The following SARM1 variants were observed in gnomAD, a reference collection of about 807,000 sequenced individuals.
The protein encoded by SARM1 is sterile alpha and TIR motif containing 1.
SARM1 carries 60 observed loss-of-function variants against 65.1 expected under a neutral mutation model. The observed-to-expected ratio is 0.92, with a 90% confidence interval of 0.75 to 1.14. SARM1 has a LOEUF of 1.14. Among genes scored for constraint, SARM1 ranks in the 50% most tolerant of loss-of-function variants. The pLI, the probability that SARM1 is intolerant of heterozygous loss-of-function variation, is 0.00. For synonymous variants in SARM1, 417 were observed against 465.4 expected (o/e 0.90, Z 1.34); for missense variants, 913 against 1,015.7 (o/e 0.90, Z 1.37).
Position 28,401,322 on chromosome 17 carries a change from G to A in SARM1, c.*5036G>A, listed in dbSNP as rs1462302718. On this transcript the variant is annotated 3_prime_UTR_variant, in exon 9 of 9. Transcript: ENST00000585482. ...CCCCTGGAAGTAGCTAGTTAGTAAG[G>A]GCTGTTCTTTTCTCCTGTTTCTCTT... 1 of 160,812 alleles carries A rather than the reference G, an allele frequency of 6.2e-6. No homozygotes were observed. Among genetic ancestry groups the A allele is most frequent in the Non-Finnish European group, 1.4e-5 (1 of 72,794 alleles). The allele number at this position is 160,812 out of a possible 1,614,324, so 10.0% of individuals were successfully genotyped here. A position where few individuals can be genotyped will look rare whatever the true frequency, so the allele number is the denominator to read the frequency against.
rs2068151576 is a variant in SARM1, at chr17:28,397,977, T to TGTCTTG, written c.*1692_*1693insTCTTGG. On this transcript the variant is annotated 3_prime_UTR_variant, in exon 9 of 9. Coordinates refer to ENST00000585482, the MANE Select transcript of SARM1 (RefSeq NM_015077.4). The stretch of plus-strand genomic sequence containing the variant: ...GGCTCCTTCCTTCCACTCCCCTCCC[T>TGTCTTG]GCCAGAGTCTGTCTTGGCCAGTGCC... 2 of 152,648 alleles carry TGTCTTG rather than the reference T, an allele frequency of 1.3e-5. No homozygotes were observed. The highest frequency in any genetic ancestry group is 1.3e-4 in the Admixed American group (2 of 15,282). 9.5% of individuals were successfully genotyped at this position (152,648 alleles called of 1,614,324 possible). A position where few individuals can be genotyped will look rare whatever the true frequency, so the allele number is the denominator to read the frequency against.
At chr17:28,392,113 AT>A (rs552126464) in intron 7 of SARM1, among the ~76,000 whole-genome samples, 273 of 143,414 alleles carry the variant, frequency 1.9e-3, no homozygotes, top group Non-Finnish European at 1.6e-3. Context: ...TTATTTAATT[AT>A]TTTTTTTTTT....
rs782499897 is a variant in SARM1, at chr17:28,384,980, C to T, written c.1394+50C>T. On this transcript the variant is annotated intron_variant, in intron 4 of 8. Coordinates refer to ENST00000585482, the MANE Select transcript of SARM1 (RefSeq NM_015077.4). This position sits in a 1 kb window ranked among gnomAD's most constrained non-coding sequence, Gnocchi z 4.4. ...CCCCAGCTAGGTCTAAATAAGCTCC[C>T]CCTCCGCCCACAGCCCGTCCGAGTC... The T allele has an allele frequency of 3.4e-5, 54 of 1,598,294 alleles. No individual in the cohort carries two copies. In the South Asian group the frequency reaches 5.6e-4, roughly 17 times the overall value.
In SARM1 at chr17:28,396,344, G is replaced by C; in HGVS notation, c.*58G>C. On this transcript the variant is annotated 3_prime_UTR_variant, in exon 9 of 9. Transcript: ENST00000585482. ...TCCATTTCCATCGTCCTTTCTGAAG[G>C]AACAGCTCCTGAAACCAGTCTCCCT... is the stretch of plus-strand genomic sequence containing the variant. 6.2e-7 allele frequency: 1 copy of C among 1,602,340 alleles called. No individual in the cohort carries two copies. The highest frequency in any genetic ancestry group is 8.5e-7 in the Non-Finnish European group (1 of 1,172,176).
chr17:28,381,562 T>C lies in SARM1; in HGVS notation c.830T>C (p.Leu277Ser). ...RLHACLAVAV[L>S]ATNKEVEREV... Reference sequence around the variant, plus strand: ...CACGCCTGCCTCGCAGTAGCGGTGTTGGCGACTAACAAGGAGGTGGAGCGC... The same window carrying C: ...CACGCCTGCCTCGCAGTAGCGGTGTCGGCGACTAACAAGGAGGTGGAGCGC... The change falls in exon 2 of 9, where the codon TTG becomes TCG. Residue 277 changes from leucine to serine, a missense_variant. Physicochemically the swap from Leu to Ser is moderately radical, Grantham distance 145 (BLOSUM62 -2). Coordinates refer to ENST00000585482, the MANE Select transcript of SARM1 (RefSeq NM_015077.4). 6.3e-7 allele frequency: 1 copy of C among 1,592,246 alleles called. No individual in the cohort carries two copies.
intron 1 of SARM1, among the ~76,000 whole-genome samples, chr17:28,379,299 CTTTTTTTTTTTTTTTT>C (rs1193480505): frequency 8.9e-5 from 7 of 78,360 alleles, no homozygotes; most frequent in Non-Finnish European, 1.2e-4. Flanking sequence ...CCATTTAGAT[CTTTTTTTTTTTTTTTT>C]TTTTTTTTTT....
chr17:28,381,369 T>C lies in SARM1; in HGVS notation c.637T>C (p.Tyr213His). ...GGCCGGCGGCCTGGACGCGGTGCTGTATTGGTGCCGCCGCACGGACCCCGC... is the reference window on the plus strand; with the variant it reads ...GGCCGGCGGCCTGGACGCGGTGCTGCATTGGTGCCGCCGCACGGACCCCGC... ...VAAGGLDAVL[Y>H]WCRRTDPALL... Residue 213 changes from tyrosine (Y) to histidine (H), a missense_variant, in exon 2 of 9, where the codon TAT becomes CAT. Around this residue, in one of 3 missense-constraint regions of SARM1, gnomAD observed 862 missense variants for 952.1 expected, o/e 0.91. Transcript: ENST00000585482. 1 of 1,571,054 alleles carries C rather than the reference T, an allele frequency of 6.4e-7. No individual in the cohort carries two copies. The highest frequency in any genetic ancestry group is 8.6e-7 in the Non-Finnish European group (1 of 1,159,044).
chr17:28,399,389 G>A lies in SARM1; in HGVS notation c.*3103G>A, dbSNP rs2068168005. The A allele has an allele frequency of 4.1e-6, 2 of 493,616 alleles. No homozygotes were observed. The highest frequency in any genetic ancestry group is 7.3e-6 in the Non-Finnish European group (2 of 272,682). The allele number at this position is 493,616 out of a possible 1,614,324, so 30.6% of individuals were successfully genotyped here. On this transcript the variant is annotated 3_prime_UTR_variant, in exon 9 of 9. Coordinates refer to ENST00000585482, the MANE Select transcript of SARM1 (RefSeq NM_015077.4). Reference sequence around the variant, plus strand: ...GTTATAAGTGATGGATAGCAGAAAGGGAGAACTGACTCCTGTCCCAAATAG... The same window carrying A: ...GTTATAAGTGATGGATAGCAGAAAGAGAGAACTGACTCCTGTCCCAAATAG...
At position 28,372,468 on chromosome 17, in the gene SARM1, C is replaced by T; in HGVS notation, c.436C>T (p.Arg146Cys). 6.5e-7 allele frequency: 1 copy of T among 1,529,932 alleles called. No homozygotes were observed. The highest frequency in any genetic ancestry group is 8.7e-7 in the Non-Finnish European group (1 of 1,145,298). The allele number at this position is 1,529,932 out of a possible 1,614,324, so 94.8% of individuals were successfully genotyped here. The change falls in exon 1 of 9, where the codon CGC becomes TGC. Residue 146 changes from arginine (R) to cysteine (C), a missense_variant. Arg to Cys is a radical substitution (Grantham distance 180). This residue lies in a region of SARM1 where 862 missense variants were observed against 952.1 expected (regional missense o/e 0.91). Transcript: ENST00000585482. This position sits in a 1 kb window ranked among gnomAD's most constrained non-coding sequence, Gnocchi z 5.2. The stretch of plus-strand genomic sequence containing the variant: ...GTTGGAGACGCGTGTGCAGGCCGCG[C>T]GCCTGCTGGAGCAGATCCTGGTGGC... ...PELETRVQAA[R>C]LLEQILVAEN...
chr17:28,396,113 C>T (rs2142443827), intron 8 of SARM1, 44 bp from the exon 9 acceptor site: 1 of 1,613,840 alleles, frequency 6.2e-7, no homozygotes, highest in East Asian at 2.2e-5. Flanking sequence ...CTAGCAGCTC[C>T]CTCTGCCCAG....
intron 7 of SARM1, among the ~76,000 whole-genome samples, chr17:28,391,897 T>TTTC (rs1567810073): frequency 1.3e-5 from 2 of 148,750 alleles, no homozygotes; most frequent in Non-Finnish European, 3.0e-5. Context: ...TTTTTTTTTT[T>TTTC]CCAGTAGAGA....
chr17:28,375,466 C>T (rs1555584502), intron 1 of SARM1, among the ~76,000 whole-genome samples: 1 of 151,852 alleles, frequency 6.6e-6, no homozygotes, highest in Non-Finnish European at 1.5e-5. Context: ...GGCTTGATGA[C>T]GTGTGCCTGT....
rs553839009 is a variant in SARM1, at chr17:28,400,424, C to A, written c.*4138C>A. Reference sequence around the variant, plus strand: ...ATCCTTCCTCCACCTAGCTCGCCATCTCGCCCTTGGAAAATGGCTCCTGGA... The same window carrying A: ...ATCCTTCCTCCACCTAGCTCGCCATATCGCCCTTGGAAAATGGCTCCTGGA... On this transcript the variant is annotated 3_prime_UTR_variant, in exon 9 of 9. Coordinates refer to ENST00000585482, the MANE Select transcript of SARM1 (RefSeq NM_015077.4). The A allele has an allele frequency of 5.8e-6, 4 of 685,100 alleles. No homozygotes were observed. In the South Asian group the frequency reaches 7.8e-5, roughly 13 times the overall value. 42.4% of individuals were successfully genotyped at this position (685,100 alleles called of 1,614,324 possible).
chr17:28,380,282 C>A (rs2068015044), intron 1 of SARM1, among the ~76,000 whole-genome samples: 1 of 152,114 alleles, frequency 6.6e-6, no homozygotes, highest in South Asian at 2.1e-4. Flanking sequence ...TCTTTCTATT[C>A]CTCAAACACG....
chr17:28,384,421 C>A lies in SARM1; in HGVS notation c.1154C>A (p.Thr385Asn), dbSNP rs147409181. ...CTGGTTTCCTACTCTACCAATGGCA[C>A]TAAGTCGGCGCTGGCCAAGCGCGCG... is the stretch of plus-strand genomic sequence containing the variant. ...KRLVSYSTNG[T>N]KSALAKRALR... Residue 385 changes from threonine to asparagine, a missense_variant, in exon 3 of 9, where the codon ACT becomes AAT. Thr to Asn is a moderately conservative substitution (Grantham distance 65). Around this residue, in one of 3 missense-constraint regions of SARM1, gnomAD observed 862 missense variants for 952.1 expected, o/e 0.91. Coordinates refer to ENST00000585482, the MANE Select transcript of SARM1 (RefSeq NM_015077.4). The surrounding 1 kb of genome is among the most constrained non-coding windows in gnomAD (Gnocchi z 4.4). The A allele has an allele frequency of 8.4e-5, 136 of 1,612,822 alleles. No individual in the cohort carries two copies. The African/African-American group carries it at 1.7e-3, about 20-fold the overall frequency.
intron 7 of SARM1, among the ~76,000 whole-genome samples, chr17:28,393,635 G>A (rs2068092892): frequency 6.6e-6 from 1 of 152,008 alleles, no homozygotes; most frequent in Non-Finnish European, 1.5e-5. Context: ...TCAGGTCGTA[G>A]AGCCTGTGTC....
rs988047470 is a variant in SARM1 at position 28,372,148 on chromosome 17, C to T, written c.116C>T (p.Thr39Met). Residue 39 changes from threonine (T) to methionine (M), a missense_variant, in exon 1 of 9, where the codon ACG becomes ATG. Transcript: ENST00000585482. The surrounding 1 kb of genome is among the most constrained non-coding windows in gnomAD (Gnocchi z 5.2). ...CCTGGGCCAGATGGGGGCGGTGGCACGGGCCCATGGTGGGCTGCGGGTGGC... is the reference window on the plus strand; with the variant it reads ...CCTGGGCCAGATGGGGGCGGTGGCATGGGCCCATGGTGGGCTGCGGGTGGC... ...AVPGPDGGGG[T>M]GPWWAAGGRG... The T allele has an allele frequency of 5.6e-6, 8 of 1,423,834 alleles. No homozygotes were observed. In the African/African-American group the frequency reaches 9.0e-5, roughly 16 times the overall value. The allele number at this position is 1,423,834 out of a possible 1,614,324, so 88.2% of individuals were successfully genotyped here. A position where few individuals can be genotyped will look rare whatever the true frequency, so the allele number is the denominator to read the frequency against.
intron 7 of SARM1, among the ~76,000 whole-genome samples, chr17:28,391,002 A>C (rs1165619122): frequency 6.6e-6 from 1 of 152,146 alleles, no homozygotes; most frequent in East Asian, 1.9e-4. Flanking sequence ...TCTGACTCCA[A>C]AGCTCATCAC....
At chr17:28,383,391 A>T (rs1161941473) in intron 2 of SARM1, among the ~76,000 whole-genome samples, 1 of 152,156 alleles carries the variant, frequency 6.6e-6, no homozygotes, top group Non-Finnish European at 1.5e-5. Flanking sequence ...AAAAAGAAAA[A>T]GGAGACTGCT....
Sources: gnomAD v4.1 joint callset for allele counts (sites outside exome capture counted in the v4.1 genomes callset) on GRCh38, gnomAD v4.1.1 for gene constraint, gnomAD v4.1.1 regional missense constraint, Gnocchi (gnomAD v3.1) non-coding constraint, MANE v1.5 for transcripts, NCBI Gene and HGNC (gene_info 2026-07-23, HGNC 2026-07-21) for gene names.